Variants in PRKCE observed in about 807,000 individuals in gnomAD.
PRKCE encodes protein kinase C epsilon type.
In PRKCE, 16 loss-of-function variants were observed where a neutral mutation model predicts 85.4. The observed-to-expected ratio is 0.19, with a 90% CI of 0.13 to 0.28. PRKCE has a LOEUF of 0.28. PRKCE is among the 10% of genes least tolerant of loss of function. The pLI is 1.00. For missense variants in PRKCE, 573 were observed against 975.2 expected, an observed-to-expected ratio of 0.59 and a Z score of 5.49; for synonymous variants, 388 against 371.5, an observed-to-expected ratio of 1.04 and a Z score of -0.51.
At chr2:45,717,605 G>C (rs574201586) in intron 1 of PRKCE, among the ~76,000 whole-genome samples, 1 of 152,320 alleles carries the variant, frequency 6.6e-6, no homozygotes, top group Non-Finnish European at 1.5e-5. Flanking sequence ...AGAGGATCCT[G>C]AGGCTTTTTT....
chr2:45,655,075 A>C (rs751902911), intron 1 of PRKCE, among the ~76,000 whole-genome samples: 4 of 152,198 alleles, frequency 2.6e-5, no homozygotes, highest in Non-Finnish European at 5.9e-5. Context: ...GGAACACCGA[A>C]TTCTGCCGCA....
intron 14 of PRKCE, among the ~76,000 whole-genome samples, chr2:46,174,578 C>CT (rs1284735223): frequency 1.3e-5 from 2 of 152,212 alleles, no homozygotes; most frequent in Non-Finnish European, 2.9e-5. Flanking sequence ...CCTCAGCTTG[C>CT]TGGGCTCCTC....
chr2:45,901,493 A>C (rs1273103144), intron 2 of PRKCE, among the ~76,000 whole-genome samples: 4 of 152,244 alleles, frequency 2.6e-5, no homozygotes, highest in African/African-American at 9.6e-5. Context: ...ACAAAAATCA[A>C]CGTATGGCTG....
chr2:46,058,495 C>A (rs901324120), intron 10 of PRKCE, among the ~76,000 whole-genome samples: 1 of 152,184 alleles, frequency 6.6e-6, no homozygotes, highest in African/African-American at 2.4e-5. Context: ...TCCCATAAAC[C>A]TGGCTTGGAG....
chr2:46,180,555 A>T (rs281467), intron 14 of PRKCE, among the ~76,000 whole-genome samples: 1 of 152,140 alleles, frequency 6.6e-6, no homozygotes, highest in East Asian at 1.9e-4. Flanking sequence ...TCAGCCCCTA[A>T]CTTCAGGAAA....
chr2:46,066,994 C>A (rs576718071), intron 10 of PRKCE, among the ~76,000 whole-genome samples: 1 of 152,246 alleles, frequency 6.6e-6, no homozygotes, highest in South Asian at 2.1e-4. Context: ...GGAACTAGAA[C>A]GGCTAATAAA....
At chr2:45,868,337 A>AAAAAAAAAC (rs1693792155) in intron 2 of PRKCE, among the ~76,000 whole-genome samples, 1 of 149,900 alleles carries the variant, frequency 6.7e-6, no homozygotes, top group African/African-American at 2.4e-5. Context: ...AAAAAAAAAA[A>AAAAAAAAAC]AAAAACTTTT....
intron 1 of PRKCE, among the ~76,000 whole-genome samples, chr2:45,782,273 T>A (rs1305672124): frequency 6.6e-6 from 1 of 152,076 alleles, no homozygotes; most frequent in Admixed American, 6.5e-5. Context: ...TGGGAATGAA[T>A]GTTGATTTTA....
rs375032316 is a variant in PRKCE at position 46,086,300 on chromosome 2, G to C, written c.1530G>C (p.Arg510=). The change falls in exon 11 of 15, where the codon CGG becomes CGC. Residue 510 remains arginine (R), a synonymous_variant. Coordinates refer to ENST00000306156, the MANE Select transcript of PRKCE (RefSeq NM_005400.3). ...GAAAATTCGACGAGCCTCGTTCACG[G>C]TTCTATGCTGCAGAGGTCACATCGG... ...RSRKFDEPRS[R]FYAAEVTSAL... is the part of the protein sequence containing the mutation. The C allele has an allele frequency of 4.4e-6, 7 of 1,599,702 alleles. 1 individual carries two copies. The South Asian group carries it at 6.6e-5, about 15-fold the overall frequency.
chr2:46,146,363 G>T (rs1676071481), intron 12 of PRKCE, among the ~76,000 whole-genome samples: 1 of 152,260 alleles, frequency 6.6e-6, no homozygotes. Flanking sequence ...TTGAGCACGT[G>T]CTAGGCACAA....
rs1376771076 is a variant in PRKCE, at chr2:45,990,056, T to C, written c.823+5376T>C. Among the ~76,000 whole-genome samples, 3 of 152,200 alleles carry C rather than the reference T, an allele frequency of 2.0e-5. No individual in the cohort carries two copies. The East Asian group carries it at 5.8e-4, about 29-fold the overall frequency. Reference sequence around the variant, plus strand: ...CATAACAAATGACCCCAGGACATAGTGGTGTAAAACAACCAATACTTATTT... The same window carrying C: ...CATAACAAATGACCCCAGGACATAGCGGTGTAAAACAACCAATACTTATTT... On this transcript the variant is annotated intron_variant, in intron 6 of 14. Coordinates refer to ENST00000306156, the MANE Select transcript of PRKCE (RefSeq NM_005400.3).
At chr2:45,674,238 C>A (rs1245888382) in intron 1 of PRKCE, among the ~76,000 whole-genome samples, 1 of 152,160 alleles carries the variant, frequency 6.6e-6, no homozygotes, top group Non-Finnish European at 1.5e-5. Flanking sequence ...AGCCAGGATT[C>A]CTCACTTCCT....
chr2:45,660,743 T>A (rs947018217), intron 1 of PRKCE, among the ~76,000 whole-genome samples: 1 of 152,182 alleles, frequency 6.6e-6, no homozygotes, highest in Non-Finnish European at 1.5e-5. Context: ...TTCCTCTGGG[T>A]ATATATGGGC....
chr2:45,981,903 G>C (rs1178846951), intron 5 of PRKCE, among the ~76,000 whole-genome samples: 2 of 152,196 alleles, frequency 1.3e-5, no homozygotes, highest in Non-Finnish European at 2.9e-5. Flanking sequence ...TGGAGGGAAA[G>C]GTCCGATAAG....
intron 11 of PRKCE, among the ~76,000 whole-genome samples, chr2:46,095,065 T>C (rs1458189943): frequency 1.3e-5 from 2 of 152,232 alleles, no homozygotes; most frequent in Admixed American, 6.5e-5. Flanking sequence ...GCCCTTCAGT[T>C]CTAGAAAATG....
rs572141626 is a variant in PRKCE, at chr2:45,786,680, T to C, written c.349-56320T>C. ...AGGGGGCAAGGGTTTAAGTTTATTATCAAGGAACAGCAGCAAACCTTACTG... is the reference window on the plus strand; with the variant it reads ...AGGGGGCAAGGGTTTAAGTTTATTACCAAGGAACAGCAGCAAACCTTACTG... On this transcript the variant is annotated intron_variant, in intron 1 of 14. Coordinates refer to ENST00000306156, the MANE Select transcript of PRKCE (RefSeq NM_005400.3). This position sits in a 1 kb window ranked among gnomAD's most constrained non-coding sequence, Gnocchi z 5.3. Among the ~76,000 whole-genome samples, 1 of 152,230 alleles carries C rather than the reference T, an allele frequency of 6.6e-6. No individual in the cohort carries two copies. Among genetic ancestry groups the C allele is most frequent in the East Asian group, 1.9e-4 (1 of 5,162 alleles).
chr2:45,670,152 C>T (rs1366782550), intron 1 of PRKCE, among the ~76,000 whole-genome samples: 1 of 152,184 alleles, frequency 6.6e-6, no homozygotes, highest in East Asian at 1.9e-4. Flanking sequence ...TGGACACCCC[C>T]ACCCAGTAAG....
intron 11 of PRKCE, among the ~76,000 whole-genome samples, chr2:46,134,161 C>T (rs182299715): frequency 1.4e-4 from 22 of 152,340 alleles, no homozygotes; most frequent in Admixed American, 9.8e-4. Context: ...CTTGGGGCCA[C>T]GATCTGTGAA....
chr2:45,726,152 A>G (rs922125953), intron 1 of PRKCE, among the ~76,000 whole-genome samples: 3 of 152,244 alleles, frequency 2.0e-5, no homozygotes, highest in African/African-American at 7.2e-5. Flanking sequence ...CCTGGTGAAG[A>G]TTCTGTGAAT....
Sources: gnomAD v4.1 joint callset for allele counts (sites outside exome capture counted in the v4.1 genomes callset) on GRCh38, gnomAD v4.1.1 for gene constraint, Gnocchi (gnomAD v3.1) non-coding constraint, MANE v1.5 for transcripts, NCBI Gene and HGNC (gene_info 2026-07-23, HGNC 2026-07-21) for gene names.